PDE4D: variants seen among roughly 807,000 people sequenced by gnomAD.
PDE4D encodes the protein 3',5'-cyclic-AMP phosphodiesterase 4D.
A neutral mutation model predicts 87.4 loss-of-function variants in PDE4D; 24 were observed. That is an observed-to-expected ratio of 0.27 (90% CI 0.20 to 0.39). The LOEUF is 0.39. Ranked by LOEUF, PDE4D falls within the 10% of genes least tolerant of loss-of-function variation. The pLI, the probability that PDE4D is intolerant of heterozygous loss-of-function variation, is 1.00. For synonymous variants in PDE4D, 384 were observed against 383.2 expected (o/e 1.00, Z -0.02); for missense variants, 714 against 1,041.0 (o/e 0.69, Z 4.32).
chr5:59,004,422 G>A (rs545809875), intron 6 of PDE4D, among the ~76,000 whole-genome samples: 2 of 152,294 alleles, frequency 1.3e-5, no homozygotes, highest in South Asian at 4.1e-4. Flanking sequence ...TGCTATCTAA[G>A]GGTTTGCTAT....
At chr5:60,354,584 T>C (rs1402922782) in intron 1 of PDE4D, among the ~76,000 whole-genome samples, 2 of 152,198 alleles carry the variant, frequency 1.3e-5, no homozygotes, top group African/African-American at 4.8e-5. Flanking sequence ...AAGGCAAACA[T>C]TGAATTGCAC....
At chr5:59,945,685 CAT>C (rs2152801315) in intron 3 of PDE4D, among the ~76,000 whole-genome samples, 1 of 152,326 alleles carries the variant, frequency 6.6e-6, no homozygotes, top group East Asian at 1.9e-4. Context: ...CTTGATAAGA[CAT>C]AAAAATAACC....
At chr5:60,508,871 T>TTTTC (rs1290997621) in intron 1 of PDE4D, among the ~76,000 whole-genome samples, 3 of 151,688 alleles carry the variant, frequency 2.0e-5, no homozygotes, top group Admixed American at 6.5e-5. Context: ...TTCTCTTTTT[T>TTTTC]TTTCTTTCTT....
At chr5:60,303,445 A>G (rs1211971960) in intron 1 of PDE4D, among the ~76,000 whole-genome samples, 1 of 151,106 alleles carries the variant, frequency 6.6e-6, no homozygotes, top group Non-Finnish European at 1.5e-5. Flanking sequence ...TGTAGCTGGG[A>G]CTACAGGCGC....
chr5:60,374,712 T>C (rs2149991970), intron 1 of PDE4D, among the ~76,000 whole-genome samples: 1 of 152,294 alleles, frequency 6.6e-6, no homozygotes, highest in Middle Eastern at 3.4e-3. Context: ...CATCAGGGCA[T>C]TGTTCCCAGT....
intron 1 of PDE4D, among the ~76,000 whole-genome samples, chr5:59,852,150 T>C (rs902481434): frequency 1.3e-5 from 2 of 152,000 alleles, no homozygotes; most frequent in Non-Finnish European, 2.9e-5. Context: ...GCATGTGAGA[T>C]GGAAGTAAAT....
At chr5:60,099,473 T>C (rs1368315965) in intron 2 of PDE4D, among the ~76,000 whole-genome samples, 2 of 151,754 alleles carry the variant, frequency 1.3e-5, no homozygotes, top group Non-Finnish European at 2.9e-5. Context: ...AAATGATAAA[T>C]GTCAAGGAAG....
At chr5:59,756,855 T>C (rs1336906145) in intron 1 of PDE4D, among the ~76,000 whole-genome samples, 2 of 143,356 alleles carry the variant, frequency 1.4e-5, no homozygotes, top group Non-Finnish European at 3.0e-5. Context: ...TGTTGTGCAA[T>C]GGTGCAATCT....
chr5:60,157,189 T>A (rs1430106711), intron 2 of PDE4D, among the ~76,000 whole-genome samples: 1 of 152,222 alleles, frequency 6.6e-6, no homozygotes, highest in Non-Finnish European at 1.5e-5. Context: ...TGTTGGTAGA[T>A]GAAAATACTA....
At chr5:60,260,333 G>A (rs2149702074) in intron 1 of PDE4D, among the ~76,000 whole-genome samples, 1 of 152,092 alleles carries the variant, frequency 6.6e-6, no homozygotes, top group Non-Finnish European at 1.5e-5. Context: ...AGGATACTGA[G>A]TCATATCCAT....
At chr5:59,157,643 A>G (rs1293503217) in intron 5 of PDE4D, among the ~76,000 whole-genome samples, 1 of 152,224 alleles carries the variant, frequency 6.6e-6, no homozygotes, top group Non-Finnish European at 1.5e-5. Flanking sequence ...TATATTGGGT[A>G]TCAAAATAAA....
At chr5:59,219,975 T>G (rs1016101673) in intron 1 of PDE4D, among the ~76,000 whole-genome samples, 1 of 151,972 alleles carries the variant, frequency 6.6e-6, no homozygotes. Flanking sequence ...CTGGCTAAAT[T>G]TGAGGCTTGG....
chr5:60,500,607 A>G (rs933332260), intron 1 of PDE4D, among the ~76,000 whole-genome samples: 6 of 152,228 alleles, frequency 3.9e-5, no homozygotes, highest in Non-Finnish European at 5.9e-5. Flanking sequence ...CATTTTAAAT[A>G]ACTCTAAAAA....
chr5:59,149,674 G>A (rs1320104519), intron 5 of PDE4D, among the ~76,000 whole-genome samples: 1 of 140,130 alleles, frequency 7.1e-6, no homozygotes, highest in Non-Finnish European at 1.5e-5. Flanking sequence ...TAAAACATTA[G>A]AGTAACTTTG....
intron 1 of PDE4D, among the ~76,000 whole-genome samples, chr5:60,406,533 C>A (rs1057445515): frequency 6.6e-6 from 1 of 152,128 alleles, no homozygotes; most frequent in Non-Finnish European, 1.5e-5. Context: ...CAGCAAATTC[C>A]ATTTGAGTCT....
chr5:59,427,564 T>C (rs1795474899), intron 1 of PDE4D, among the ~76,000 whole-genome samples: 1 of 152,104 alleles, frequency 6.6e-6, no homozygotes, highest in Admixed American at 6.6e-5. Context: ...CCAGGCTTGA[T>C]TGCTCATGCC....
chr5:59,487,941 GC>G (rs1298976135), intron 1 of PDE4D, among the ~76,000 whole-genome samples: 1 of 152,086 alleles, frequency 6.6e-6, no homozygotes, highest in East Asian at 1.9e-4. Context: ...GTGACTGTCT[GC>G]CATAGTATTT....
At chr5:59,565,144 C>A (rs955171482) in intron 1 of PDE4D, among the ~76,000 whole-genome samples, 1 of 152,058 alleles carries the variant, frequency 6.6e-6, no homozygotes. Flanking sequence ...GAGATGGGCT[C>A]CGCTTGGCTC....
At chr5:60,106,328 C>G (rs1431773081) in intron 2 of PDE4D, among the ~76,000 whole-genome samples, 1 of 151,672 alleles carries the variant, frequency 6.6e-6, no homozygotes, top group Non-Finnish European at 1.5e-5. Flanking sequence ...TATATATGCA[C>G]CCAATACAGG....
Sources: allele counts gnomAD v4.1 joint callset (sites outside exome capture counted in the v4.1 genomes callset), GRCh38; gene constraint gnomAD v4.1.1; transcripts MANE v1.5; gene names NCBI Gene and HGNC (gene_info 2026-07-23, HGNC 2026-07-21).